TXNDC5: variants seen among roughly 807,000 people sequenced by gnomAD.
TXNDC5 encodes the protein thioredoxin domain-containing protein 5.
Under a neutral mutation model 52.6 loss-of-function variants are expected in TXNDC5, and 44 were observed. The observed-to-expected ratio is 0.84, with a 90% CI of 0.66 to 1.08. The LOEUF (loss-of-function observed/expected upper bound fraction) is 1.08. TXNDC5 is among the 50% of genes least tolerant of loss of function. The probability of loss-of-function intolerance (pLI) is 0.00; values close to 1 mark genes in which losing one functional copy is unlikely to be tolerated. For synonymous variants in TXNDC5, 241 were observed against 234.4 expected (o/e 1.03, Z -0.26); for missense variants, 600 against 565.5 (o/e 1.06, Z -0.62).
chr6:7,894,626 T>C, intron 4 of TXNDC5: 2 of 789,386 alleles, frequency 2.5e-6, no homozygotes, highest in Non-Finnish European at 3.1e-6. Flanking sequence ...CAGCATTACT[T>C]CTTTAAAAAC....
Position 7,910,561 on chromosome 6 carries a change from C to G in TXNDC5, c.216G>C (p.Thr72=), listed in dbSNP as rs1315226648. The change falls in exon 1 of 10, where the codon ACG becomes ACC. Residue 72 remains threonine (T), a synonymous_variant. Coordinates refer to ENST00000379757, the MANE Select transcript of TXNDC5 (RefSeq NM_030810.5). ...SKHLYTADMF[T]HGIQSAAHFV... Reference sequence around the variant, plus strand: ...AGTGCGCGGCGCTCTGGATCCCGTGCGTGAACATGTCGGCCGTGTACAGGT... The same window carrying G: ...AGTGCGCGGCGCTCTGGATCCCGTGGGTGAACATGTCGGCCGTGTACAGGT... 1 of 1,450,364 alleles carries G rather than the reference C, an allele frequency of 6.9e-7. No individual in the cohort carries two copies. 89.8% of individuals were successfully genotyped at this position (1,450,364 alleles called of 1,614,324 possible).
intron 1 of TXNDC5, among the ~76,000 whole-genome samples, chr6:7,908,549 C>T (rs181728612): frequency 1.3e-5 from 2 of 151,240 alleles, no homozygotes; most frequent in East Asian, 3.9e-4. Flanking sequence ...GAATGGGATG[C>T]GATGGCTCAT....
intron 1 of TXNDC5, among the ~76,000 whole-genome samples, chr6:7,908,518 TAAAAAA>T (rs10708121): frequency 2.1e-5 from 3 of 144,514 alleles, no homozygotes; most frequent in African/African-American, 7.6e-5. Flanking sequence ...AGTTTTTCTT[TAAAAAA>T]AAAAAAAAAG....
chr6:7,884,428 A>G lies in TXNDC5; in HGVS notation c.1107T>C (p.Pro369=). 1 of 1,614,158 alleles carries G rather than the reference A, an allele frequency of 6.2e-7. No homozygotes were observed. Among genetic ancestry groups the G allele is most frequent in the South Asian group, 1.1e-5 (1 of 91,082 alleles). The part of the protein sequence containing the change: ...TWEELSKKEF[P]GLAGVKIAEV... ...CGGCGATCTTGACCCCCGCCAGACC[A>G]GGGAATTCCTTTTTAGAGAGTTCCT... Residue 369 remains proline (P), a synonymous_variant, in exon 9 of 10, where the codon CCT becomes CCC. Coordinates refer to ENST00000379757, the MANE Select transcript of TXNDC5 (RefSeq NM_030810.5).
chr6:7,889,341 A>G, intron 6 of TXNDC5, 154 bp downstream of exon 6: 1 of 624,658 alleles, frequency 1.6e-6, no homozygotes. Flanking sequence ...TTATCAATTA[A>G]GAGAAAGACG....
chr6:7,908,022 C>T (rs899450231), intron 1 of TXNDC5, among the ~76,000 whole-genome samples: 7 of 152,194 alleles, frequency 4.6e-5, no homozygotes, highest in Non-Finnish European at 1.0e-4. Context: ...CGGTGGCTTA[C>T]GCCTGTAATC....
At position 7,888,781 on chromosome 6, in the gene TXNDC5, C is replaced by A. The variant is rs758698556; in HGVS notation, c.887G>T (p.Arg296Leu). Residue 296 changes from arginine to leucine, a missense_variant, in exon 7 of 10, where the codon CGC becomes CTC. Physicochemically the swap from Arg to Leu is moderately radical, Grantham distance 102. Transcript: ENST00000379757. ...LREYVESQLQ[R>L]TETGATETVT... is the part of the protein sequence containing the mutation. Reference sequence around the variant, plus strand: ...GGTCTCCGTCGCTCCAGTCTCTGTGCGCTGCAGCTGCGACTCCACGTACTC... The same window carrying A: ...GGTCTCCGTCGCTCCAGTCTCTGTGAGCTGCAGCTGCGACTCCACGTACTC... The A allele has an allele frequency of 3.1e-6, 5 of 1,614,100 alleles. No homozygotes were observed. Among genetic ancestry groups the A allele is most frequent in the Non-Finnish European group, 4.2e-6 (5 of 1,180,010 alleles).
At chr6:7,909,703 G>A (rs749798708) in intron 1 of TXNDC5, 7 of 901,584 alleles carry the variant, frequency 7.8e-6, no homozygotes, top group South Asian at 5.1e-5. Flanking sequence ...GGGGCGGAGG[G>A]GTTCCAGAAT....
At chr6:7,897,622 G>T (rs1257332582) in intron 3 of TXNDC5, among the ~76,000 whole-genome samples, 3 of 152,158 alleles carry the variant, frequency 2.0e-5, no homozygotes, top group African/African-American at 4.8e-5. Context: ...CCCACACTGA[G>T]GAGACAGAAA....
intron 4 of TXNDC5, among the ~76,000 whole-genome samples, chr6:7,892,531 T>C (rs1760232199): frequency 6.6e-6 from 1 of 152,276 alleles, no homozygotes; most frequent in South Asian, 2.1e-4. Flanking sequence ...ATGGTTTGGC[T>C]GTGTCCCCAC....
At chr6:7,901,631 T>A (rs1207249900) in intron 2 of TXNDC5, among the ~76,000 whole-genome samples, 2 of 152,208 alleles carry the variant, frequency 1.3e-5, no homozygotes, top group Non-Finnish European at 2.9e-5. Flanking sequence ...TTGGGACATC[T>A]GACTTCAATT....
intron 7 of TXNDC5, among the ~76,000 whole-genome samples, chr6:7,888,294 A>C (rs1409141585): frequency 6.6e-6 from 1 of 152,114 alleles, no homozygotes; most frequent in East Asian, 1.9e-4. Flanking sequence ...GGGCCTTTAC[A>C]ACGGGTAAAG....
In TXNDC5 at chr6:7,904,669, G is replaced by A. The variant is rs767579280; in HGVS notation, c.318C>T (p.Tyr106=). The A allele has an allele frequency of 5.6e-6, 9 of 1,614,216 alleles. No homozygotes were observed. The South Asian group carries it at 8.8e-5, about 16-fold the overall frequency. ...QPTWNDLGDK[Y]NSMEDAKVYV... is the part of the protein sequence containing the mutation. ...AGACTTTGGCATCTTCCATGCTGTT[G>A]TATTTGTCTCCCAGGTCATTCCAAG... Residue 106 remains tyrosine (Y), a synonymous_variant, in exon 2 of 10, where the codon TAC becomes TAT. Coordinates refer to ENST00000379757, the MANE Select transcript of TXNDC5 (RefSeq NM_030810.5).
chr6:7,893,303 C>CA (rs1379260027), intron 4 of TXNDC5, among the ~76,000 whole-genome samples: 19 of 152,356 alleles, frequency 1.2e-4, no homozygotes, highest in African/African-American at 4.6e-4. Context: ...CAACAATGCA[C>CA]TTGAAGAAAA....
At chr6:7,884,795 AAGCACAGG>A (rs1207796534) in intron 8 of TXNDC5, among the ~76,000 whole-genome samples, 3 of 152,366 alleles carry the variant, frequency 2.0e-5, no homozygotes, top group South Asian at 2.1e-4. Context: ...TGGTTTATGA[AAGCACAGG>A]AGCAGAGGAA....
rs1329889218 is a variant in TXNDC5 at position 7,899,688 on chromosome 6, G to T, written c.414-7C>A. 2 of 1,611,438 alleles carry T rather than the reference G, an allele frequency of 1.2e-6. No homozygotes were observed. Among genetic ancestry groups the T allele is most frequent in the Non-Finnish European group, 1.7e-6 (2 of 1,178,072 alleles). ...TGGCTTGAAAAGCTTTAAGCTGAAA[G>T]AATAACAAAGGATTAGACAGAGCAA... On this transcript the variant is annotated splice_region_variant and splice_polypyrimidine_tract_variant and intron_variant, in intron 2 of 9. Transcript: ENST00000379757.
intron 7 of TXNDC5, among the ~76,000 whole-genome samples, chr6:7,886,366 T>C (rs1423971378): frequency 2.0e-5 from 3 of 152,084 alleles, no homozygotes; most frequent in Admixed American, 6.5e-5. Flanking sequence ...TTGAAAACTC[T>C]CCAGGGCGCT....
intron 2 of TXNDC5, among the ~76,000 whole-genome samples, chr6:7,900,956 A>G (rs1331466475): frequency 1.3e-5 from 2 of 148,212 alleles, no homozygotes; most frequent in Non-Finnish European, 3.0e-5. Context: ...ATTCAGTCCA[A>G]AAAAAAATGG....
intron 1 of TXNDC5, chr6:7,909,789 G>A (rs1760854015): frequency 1.0e-6 from 1 of 985,876 alleles, no homozygotes; most frequent in South Asian, 4.7e-5. Flanking sequence ...TCCCACAAAA[G>A]ACGCACAAAG....
Sources: gnomAD v4.1 joint callset for allele counts (sites outside exome capture counted in the v4.1 genomes callset) on GRCh38, gnomAD v4.1.1 for gene constraint, MANE v1.5 for transcripts, NCBI Gene and HGNC (gene_info 2026-07-23, HGNC 2026-07-21) for gene names.